OSBP2: variants seen among roughly 807,000 people sequenced by gnomAD.
OSBP2 encodes the protein oxysterol binding protein 2.
In OSBP2, 66 loss-of-function variants were observed where a neutral mutation model predicts 96.0. That is an observed-to-expected ratio of 0.69 (90% CI 0.56 to 0.84). OSBP2 has a LOEUF of 0.84. OSBP2 is among the 40% of genes least tolerant of loss of function. OSBP2 has a pLI of 0.00. For missense variants in OSBP2, 1,038 were observed against 1,222.7 expected, an observed-to-expected ratio of 0.85 and a Z score of 2.25; for synonymous variants, 525 against 520.9, an observed-to-expected ratio of 1.01 and a Z score of -0.11.
chr22:30,867,188 C>T (rs953103293), intron 2 of OSBP2, among the ~76,000 whole-genome samples: 1 of 152,204 alleles, frequency 6.6e-6, no homozygotes. Flanking sequence ...TTCCTGGCCT[C>T]TCTGTCCCTC....
At chr22:30,831,425 T>G (rs1223916591) in intron 2 of OSBP2, among the ~76,000 whole-genome samples, 1 of 152,136 alleles carries the variant, frequency 6.6e-6, no homozygotes, top group Non-Finnish European at 1.5e-5. Flanking sequence ...TAAACGAAGT[T>G]GGTTTATGTT....
intron 1 of OSBP2, among the ~76,000 whole-genome samples, chr22:30,721,830 G>A (rs2089557416): frequency 6.6e-6 from 1 of 152,024 alleles, no homozygotes; most frequent in African/African-American, 2.4e-5. Flanking sequence ...CAAATTCATG[G>A]CATTTCAATC....
rs1191210779 is a variant in OSBP2 at position 30,695,087 on chromosome 22, C to T, written c.178C>T (p.Pro60Ser). ...PKPQPQPVPE[P>S]ERGPLSEQVS... ...GCCCCAGCCCCAGCCCGTGCCCGAA[C>T]CGGAGCGGGGACCGCTGTCAGAACA... Residue 60 changes from proline (P) to serine (S), a missense_variant, in exon 1 of 14, where the codon CCG (proline) becomes TCG (serine). Coordinates refer to ENST00000332585, the MANE Select transcript of OSBP2 (RefSeq NM_030758.4). The T allele has an allele frequency of 6.3e-7, 1 of 1,579,484 alleles. No homozygotes were observed. Among genetic ancestry groups the T allele is most frequent in the East Asian group, 2.2e-5 (1 of 44,496 alleles).
Position 30,881,630 on chromosome 22 carries a change from G to A in OSBP2, c.1108-5796G>A, listed in dbSNP as rs1319234536. On this transcript the variant is annotated intron_variant, in intron 3 of 13. Coordinates refer to ENST00000332585, the MANE Select transcript of OSBP2 (RefSeq NM_030758.4). The surrounding 1 kb of genome is among the most constrained non-coding windows in gnomAD (Gnocchi z 4.5). ...ACCTCCCCCTGCCAGTCCCTCTGCC[G>A]GGCCCCAAGCCTAATCCAGCTTATC... The A allele has an allele frequency of 1.6e-5, 21 of 1,292,588 alleles. No homozygotes were observed. The highest frequency in any genetic ancestry group is 4.6e-5 in the African/African-American group (3 of 65,776). The allele number at this position is 1,292,588 out of a possible 1,614,324, so 80.1% of individuals were successfully genotyped here.
At chr22:30,887,034 T>C (rs1258212066) in intron 3 of OSBP2, among the ~76,000 whole-genome samples, 3 of 152,160 alleles carry the variant, frequency 2.0e-5, no homozygotes, top group Non-Finnish European at 4.4e-5. Flanking sequence ...CTTGCTGATA[T>C]GCTAAACAAG....
chr22:30,888,135 G>T (rs1369885497), intron 4 of OSBP2, 88 bp from the exon 5 acceptor site: 2 of 864,190 alleles, frequency 2.3e-6, no homozygotes, highest in Non-Finnish European at 3.9e-6. Context: ...GCCAGATGGG[G>T]GTTGGGGGAG....
In OSBP2 at chr22:30,808,562, CTTTG is replaced by C. The variant is rs1341980174; in HGVS notation, c.854-61862_854-61859del. On this transcript the variant is annotated intron_variant, in intron 2 of 13. Transcript: ENST00000332585. ...TAACCCCTTGTACCTGTGAACATGA[CTTTG>C]TTTGGAAATAGGGTCTTTGCAGATG... 2.0e-5 allele frequency among the ~76,000 whole-genome samples: 3 copies of C among 152,190 alleles called. No individual in the cohort carries two copies. The East Asian group carries it at 5.8e-4, about 29-fold the overall frequency.
chr22:30,874,999 C>T (rs2039547120), intron 3 of OSBP2, among the ~76,000 whole-genome samples: 1 of 152,156 alleles, frequency 6.6e-6, no homozygotes, highest in African/African-American at 2.4e-5. Context: ...CACGGGTGTC[C>T]CCGACAGTAG....
At chr22:30,708,327 A>C (rs1469179036) in intron 1 of OSBP2, among the ~76,000 whole-genome samples, 4 of 152,126 alleles carry the variant, frequency 2.6e-5, no homozygotes, top group Non-Finnish European at 4.4e-5. Context: ...TAGCATAATG[A>C]AACCCCATGT....
At chr22:30,859,935 C>T (rs894168309) in intron 2 of OSBP2, among the ~76,000 whole-genome samples, 2 of 152,138 alleles carry the variant, frequency 1.3e-5, no homozygotes, top group Middle Eastern at 3.4e-3. Flanking sequence ...CCGCCGCCCC[C>T]GGCCCCTCTC....
chr22:30,846,182 C>G (rs991313413), intron 2 of OSBP2, among the ~76,000 whole-genome samples: 1 of 151,978 alleles, frequency 6.6e-6, no homozygotes, highest in African/African-American at 2.4e-5. Flanking sequence ...GGTCTCAACT[C>G]TGTCACCCAG....
chr22:30,707,190 G>A (rs2089268305), intron 1 of OSBP2, among the ~76,000 whole-genome samples: 1 of 151,832 alleles, frequency 6.6e-6, no homozygotes, highest in Non-Finnish European at 1.5e-5. Flanking sequence ...TCCGCCTCCC[G>A]TGTTCAAGCA....
At chr22:30,808,067 G>A (rs1351201385) in intron 2 of OSBP2, among the ~76,000 whole-genome samples, 7 of 152,198 alleles carry the variant, frequency 4.6e-5, no homozygotes, top group Non-Finnish European at 8.8e-5. Context: ...GGGGATTACA[G>A]GTGTGAGCCA....
intron 1 of OSBP2, among the ~76,000 whole-genome samples, chr22:30,720,827 G>A (rs951000735): frequency 7.9e-5 from 12 of 152,206 alleles, no homozygotes; most frequent in African/African-American, 2.9e-4. Flanking sequence ...GCCAGAGGAT[G>A]AGGAAGACAT....
At position 30,887,226 on chromosome 22, in the gene OSBP2, A is replaced by G. The variant is rs146864317; in HGVS notation, c.1108-200A>G. Among the ~76,000 whole-genome samples the G allele has an allele frequency of 5.8e-3, 880 of 152,278 alleles. 3 individuals are homozygous for G. The highest frequency in any genetic ancestry group is 9.7e-3 in the Non-Finnish European group (663 of 68,020). On this transcript the variant is annotated intron_variant, in intron 3 of 13. Transcript: ENST00000332585. ...CTCCTTTACTGCAACCTGTTTTATC[A>G]GCAAGGTCTTTATGACCTGTATTTT...
chr22:30,824,362 A>C (rs528809071), intron 2 of OSBP2, among the ~76,000 whole-genome samples: 72 of 152,268 alleles, frequency 4.7e-4, no homozygotes, highest in Non-Finnish European at 9.1e-4. Context: ...TGCAGCAGTC[A>C]AGAGCAGCCA....
At chr22:30,827,937 A>G (rs1157669735) in intron 2 of OSBP2, among the ~76,000 whole-genome samples, 13 of 152,210 alleles carry the variant, frequency 8.5e-5, no homozygotes, top group Admixed American at 8.5e-4. Flanking sequence ...TCACACAGGC[A>G]GGAGTGGGGC....
chr22:30,798,815 C>T (rs1247356712), intron 2 of OSBP2, among the ~76,000 whole-genome samples: 1 of 151,924 alleles, frequency 6.6e-6, no homozygotes, highest in African/African-American at 2.4e-5. Context: ...GAGTTCAAGA[C>T]CAGCCTGGCC....
chr22:30,804,334 C>T (rs780120676), intron 2 of OSBP2, among the ~76,000 whole-genome samples: 5 of 152,146 alleles, frequency 3.3e-5, no homozygotes, highest in Non-Finnish European at 7.3e-5. Context: ...TTCTGAATCT[C>T]GACAGGTTCA....
Sources: allele counts gnomAD v4.1 joint callset (sites outside exome capture counted in the v4.1 genomes callset), GRCh38; gene constraint gnomAD v4.1.1; non-coding constraint Gnocchi (gnomAD v3.1); transcripts MANE v1.5; gene names NCBI Gene and HGNC (gene_info 2026-07-23, HGNC 2026-07-21).